COL4A1: variants seen among roughly 807,000 people sequenced by gnomAD.
The protein encoded by COL4A1 is collagen alpha-1(IV) chain.
In COL4A1, 40 loss-of-function variants were observed where a neutral mutation model predicts 216.6. The ratio of observed to expected loss-of-function variants is 0.18; its 90% CI spans 0.14 to 0.24. The LOEUF (loss-of-function observed/expected upper bound fraction) is 0.24. COL4A1 is among the 10% of genes least tolerant of loss of function. COL4A1 has a pLI of 1.00. For synonymous variants in COL4A1, 839 were observed against 810.7 expected, an observed-to-expected ratio of 1.03 and a Z score of -0.59; for missense variants, 1,628 against 2,196.8, an observed-to-expected ratio of 0.74 and a Z score of 5.18.
At chr13:110,175,635 T>C (rs1191175630) in intron 36 of COL4A1, among the ~76,000 whole-genome samples, 1 of 152,234 alleles carries the variant, frequency 6.6e-6, no homozygotes, top group Non-Finnish European at 1.5e-5. Flanking sequence ...ATACATTAAC[T>C]ACCTAGAATA....
chr13:110,209,708 G>T, intron 10 of COL4A1: 1 of 691,760 alleles, frequency 1.4e-6, no homozygotes, highest in Middle Eastern at 3.2e-4. Context: ...GTGACTATCA[G>T]CAGTACCCCG....
chr13:110,152,834 A>G (rs956651417), intron 50 of COL4A1, among the ~76,000 whole-genome samples: 18 of 152,242 alleles, frequency 1.2e-4, no homozygotes, highest in Admixed American at 8.5e-4. Flanking sequence ...CCATTCTAAC[A>G]TGGGTCATGA....
At chr13:110,219,152 C>G (rs1261241067) in intron 2 of COL4A1, among the ~76,000 whole-genome samples, 1 of 152,164 alleles carries the variant, frequency 6.6e-6, no homozygotes, top group East Asian at 1.9e-4. Context: ...TGAGGCTTGA[C>G]GTCAGGGCAG....
chr13:110,291,178 T>C (rs995144474), intron 1 of COL4A1, among the ~76,000 whole-genome samples: 1 of 152,242 alleles, frequency 6.6e-6, no homozygotes, highest in Admixed American at 6.5e-5. Context: ...CTAGAAAAAG[T>C]ACACCGATGC....
chr13:110,169,799 A>T, intron 42 of COL4A1, 37 bp from the exon 43 acceptor site: 1 of 1,613,374 alleles, frequency 6.2e-7, no homozygotes, highest in African/African-American at 1.3e-5. Flanking sequence ...TTTGGGGTTA[A>T]ATATGCACAA....
chr13:110,184,792 C>A (rs1349979298), intron 26 of COL4A1, among the ~76,000 whole-genome samples: 1 of 152,080 alleles, frequency 6.6e-6, no homozygotes, highest in Non-Finnish European at 1.5e-5. Flanking sequence ...CTCATTGCAA[C>A]CTCCGCCTCC....
chr13:110,279,131 G>A (rs955039269), intron 1 of COL4A1, among the ~76,000 whole-genome samples: 6 of 152,024 alleles, frequency 3.9e-5, no homozygotes, highest in Non-Finnish European at 4.4e-5. Flanking sequence ...CTACCTACTT[G>A]GCTTTGCATG....
At chr13:110,277,207 T>A (rs1883464755) in intron 1 of COL4A1, among the ~76,000 whole-genome samples, 1 of 152,258 alleles carries the variant, frequency 6.6e-6, no homozygotes, top group South Asian at 2.1e-4. Flanking sequence ...AAGCACTCTC[T>A]TAAGCTATTT....
chr13:110,196,422 C>A (rs1181848712), intron 21 of COL4A1, among the ~76,000 whole-genome samples: 1 of 152,132 alleles, frequency 6.6e-6, no homozygotes, highest in Admixed American at 6.5e-5. Context: ...ACTGAAAGAA[C>A]CCACATCTCT....
Position 110,214,397 on chromosome 13 carries a change from C to T in COL4A1, c.145-382G>A, listed in dbSNP as rs145018008. ...GGGCTACCACGCCTGGCCCGTGATG[C>T]CTAATTTTAGGTGCCAAGTTGACTG... On this transcript the variant is annotated intron_variant, in intron 2 of 51. Transcript: ENST00000375820. Among the ~76,000 whole-genome samples the T allele has an allele frequency of 1.8e-3, 267 of 152,066 alleles. 1 individual carries two copies. Among genetic ancestry groups the T allele is most frequent in the African/African-American group, 5.7e-3 (236 of 41,476 alleles).
At chr13:110,218,616 G>A (rs1880211542) in intron 2 of COL4A1, among the ~76,000 whole-genome samples, 1 of 152,228 alleles carries the variant, frequency 6.6e-6, no homozygotes, top group African/African-American at 2.4e-5. Flanking sequence ...CATGAGGTAG[G>A]ATTCCACATA....
At chr13:110,179,589 T>C (rs1454856093) in intron 29 of COL4A1, among the ~76,000 whole-genome samples, 168 bp from the exon 30 acceptor site, 1 of 152,218 alleles carries the variant, frequency 6.6e-6, no homozygotes, top group Non-Finnish European at 1.5e-5. Flanking sequence ...ACCTATTATA[T>C]CTTTTCAATC....
rs779694666 is a variant in COL4A1, at chr13:110,213,879, C to T, written c.234+47G>A. On this transcript the variant is annotated intron_variant, in intron 3 of 51. Coordinates refer to ENST00000375820, the MANE Select transcript of COL4A1 (RefSeq NM_001845.6). ...ATTGATCACCGCTATCTCAAGAATGCGGGCAATCTTACATCCACCCACCCC... is the reference window on the plus strand; with the variant it reads ...ATTGATCACCGCTATCTCAAGAATGTGGGCAATCTTACATCCACCCACCCC... The T allele has an allele frequency of 1.3e-5, 21 of 1,612,404 alleles. No individual in the cohort carries two copies. In the African/African-American group the frequency reaches 2.0e-4, roughly 15 times the overall value.
At chr13:110,191,597 A>G (rs1297617502) in intron 24 of COL4A1, 7 of 661,494 alleles carry the variant, frequency 1.1e-5, no homozygotes, top group Non-Finnish European at 1.9e-5. Flanking sequence ...TTCCATTGAA[A>G]GGTTTCATGT....
At chr13:110,252,706 A>G (rs682179) in intron 1 of COL4A1, among the ~76,000 whole-genome samples, 5 of 124,150 alleles carry the variant, frequency 4.0e-5, no homozygotes, top group South Asian at 2.6e-4. Context: ...TTATATGTAT[A>G]TATGTATTAT....
intron 1 of COL4A1, among the ~76,000 whole-genome samples, chr13:110,275,603 T>A (rs1490577946): frequency 6.6e-6 from 1 of 152,202 alleles, no homozygotes; most frequent in Non-Finnish European, 1.5e-5. Flanking sequence ...CACATGGATG[T>A]TTACAGCAGC....
At chr13:110,278,599 C>G (rs1459390198) in intron 1 of COL4A1, among the ~76,000 whole-genome samples, 3 of 152,200 alleles carry the variant, frequency 2.0e-5, no homozygotes, top group Non-Finnish European at 4.4e-5. Flanking sequence ...AGTGACTTCA[C>G]AGCCTTTTTA....
intron 1 of COL4A1, among the ~76,000 whole-genome samples, chr13:110,243,000 T>C (rs924866861): frequency 6.6e-6 from 1 of 152,268 alleles, no homozygotes; most frequent in Non-Finnish European, 1.5e-5. Context: ...CAATGTCACC[T>C]ATACTTTTTG....
At chr13:110,201,382 GAGGAGGAGAGA>G (rs1451439363) in intron 19 of COL4A1, 45 bp downstream of exon 19, 9 of 1,223,414 alleles carry the variant, frequency 7.4e-6, no homozygotes, top group African/African-American at 2.1e-5. Flanking sequence ...GGAGGAAGAG[GAGGAGGAGAGA>G]AGGAGGGGGA....
Sources: gnomAD v4.1 joint callset for allele counts (sites outside exome capture counted in the v4.1 genomes callset) on GRCh38, gnomAD v4.1.1 for gene constraint, MANE v1.5 for transcripts, NCBI Gene and HGNC (gene_info 2026-07-23, HGNC 2026-07-21) for gene names.